Variants in SDK1 observed in about 807,000 individuals in gnomAD.
SDK1 encodes sidekick cell adhesion molecule 1.
In SDK1, 157 loss-of-function variants were observed where a neutral mutation model predicts 245.5. That is an observed-to-expected ratio of 0.64 (90% CI 0.56 to 0.73). The LOEUF is 0.73. Among genes scored for constraint, SDK1 ranks in the 30% least tolerant of loss-of-function variants. The pLI is 0.00. For synonymous variants in SDK1, 1,647 were observed against 1,278.5 expected (o/e 1.29, Z -6.15); for missense variants, 3,583 against 3,002.3 (o/e 1.19, Z -4.52).
At position 3,952,895 on chromosome 7, in the gene SDK1, A is replaced by G. The variant is rs1367328426; in HGVS notation, c.1150+975A>G. On this transcript the variant is annotated intron_variant, in intron 7 of 44. Transcript: ENST00000404826. ...CAGTTTATGAGGAGGTTAAGTTGTG[A>G]GGCAAGTGACTTTATTTCTCTCATT... 3.9e-5 allele frequency among the ~76,000 whole-genome samples: 6 copies of G among 152,282 alleles called. No homozygotes were observed. The East Asian group carries it at 1.2e-3, about 29-fold the overall frequency.
intron 1 of SDK1, among the ~76,000 whole-genome samples, chr7:3,314,067 A>G (rs977381730): frequency 2.0e-5 from 3 of 152,212 alleles, no homozygotes; most frequent in Admixed American, 1.3e-4. Context: ...ACACCAAAAA[A>G]TACAGCGCCA....
intron 4 of SDK1, chr7:3,643,442 A>G (rs927637947): frequency 7.0e-6 from 1 of 143,238 alleles, no homozygotes; most frequent in Non-Finnish European, 1.5e-5. Flanking sequence ...CCACCTGAGC[A>G]TCTGTGGAAT....
At chr7:4,000,351 G>A (rs569090145) in intron 14 of SDK1, among the ~76,000 whole-genome samples, 2 of 152,238 alleles carry the variant, frequency 1.3e-5, no homozygotes, top group African/African-American at 2.4e-5. Context: ...GTGCCTCTCC[G>A]CCTCTGCTTT....
intron 5 of SDK1, among the ~76,000 whole-genome samples, chr7:3,875,747 A>G (rs994891445): frequency 6.6e-6 from 1 of 152,224 alleles, no homozygotes; most frequent in African/African-American, 2.4e-5. Context: ...TGGAACTAGC[A>G]GAGGTGGTTG....
chr7:3,498,202 C>T (rs185387938), intron 1 of SDK1, among the ~76,000 whole-genome samples: 28 of 152,250 alleles, frequency 1.8e-4, no homozygotes, highest in African/African-American at 6.5e-4. Flanking sequence ...CACTCAAAGC[C>T]TGCCTTGAAA....
At chr7:3,606,910 C>G (rs755958501) in intron 1 of SDK1, among the ~76,000 whole-genome samples, 1 of 151,794 alleles carries the variant, frequency 6.6e-6, no homozygotes, top group African/African-American at 2.4e-5. Context: ...ATGTACAACA[C>G]TGAAAAAAGT....
At chr7:3,941,861 TCTG>T (rs894081801) in intron 5 of SDK1, among the ~76,000 whole-genome samples, 26 of 152,102 alleles carry the variant, frequency 1.7e-4, no homozygotes, top group African/African-American at 6.0e-4. Context: ...GCAATCGTGA[TCTG>T]CTGGTGATAA....
Position 4,208,289 on chromosome 7 carries a change from G to A in SDK1, c.5401+4G>A. On this transcript the variant is annotated splice_donor_region_variant and intron_variant, in intron 37 of 44. Coordinates refer to ENST00000404826, the MANE Select transcript of SDK1 (RefSeq NM_152744.4). ...CAGGGGCGCACCCACCAGGCCGGTAGGAGGAAGGCGGGTTTCCTTTGGGCA... is the reference window on the plus strand; with the variant it reads ...CAGGGGCGCACCCACCAGGCCGGTAAGAGGAAGGCGGGTTTCCTTTGGGCA... The A allele has an allele frequency of 1.2e-6, 2 of 1,611,402 alleles. No homozygotes were observed. Among genetic ancestry groups the A allele is most frequent in the Non-Finnish European group, 1.7e-6 (2 of 1,179,220 alleles).
Position 4,265,034 on chromosome 7 carries a change from G to T in SDK1, c.6382-90G>T, listed in dbSNP as rs1009142198. ...GGAGACCGCGACACACGCCCCTGGGGAGGTGCCCCCACCGCCAGGCCTCCT... is the reference window on the plus strand; with the variant it reads ...GGAGACCGCGACACACGCCCCTGGGTAGGTGCCCCCACCGCCAGGCCTCCT... On this transcript the variant is annotated intron_variant, in intron 44 of 44. Coordinates refer to ENST00000404826, the MANE Select transcript of SDK1 (RefSeq NM_152744.4). 8 of 1,527,328 alleles carry T rather than the reference G, an allele frequency of 5.2e-6. No individual in the cohort carries two copies. In the African/African-American group the frequency reaches 1.1e-4, roughly 21 times the overall value. 94.6% of individuals were successfully genotyped at this position (1,527,328 alleles called of 1,614,324 possible). A position where few individuals can be genotyped will look rare whatever the true frequency, so the allele number is the denominator to read the frequency against.
At chr7:3,447,334 C>T (rs1780369720) in intron 1 of SDK1, among the ~76,000 whole-genome samples, 2 of 152,132 alleles carry the variant, frequency 1.3e-5, no homozygotes, top group Admixed American at 6.5e-5. Context: ...CATCTCTTCT[C>T]AAATAATGTG....
In SDK1 at chr7:3,730,571, G is replaced by A. The variant is rs73304206; in HGVS notation, c.713+88466G>A. On this transcript the variant is annotated intron_variant, in intron 4 of 44. Transcript: ENST00000404826. ...GGAAGAGCCCAGCAGAAGATTGAGT[G>A]TCCTGGCAGCAGGACTGAGAGGATG... Among the ~76,000 whole-genome samples the A allele has an allele frequency of 6.3e-3, 962 of 152,294 alleles. 10 individuals are homozygous for A. Among genetic ancestry groups the A allele is most frequent in the African/African-American group, 0.022 (895 of 41,564 alleles).
At chr7:3,432,564 G>C (rs1200942513) in intron 1 of SDK1, among the ~76,000 whole-genome samples, 2 of 152,042 alleles carry the variant, frequency 1.3e-5, no homozygotes, top group African/African-American at 4.8e-5. Flanking sequence ...TTATTTAAAA[G>C]ATTACTACCG....
chr7:3,703,344 C>T (rs535718589), intron 4 of SDK1, among the ~76,000 whole-genome samples: 5 of 152,074 alleles, frequency 3.3e-5, no homozygotes, highest in Non-Finnish European at 7.3e-5. Context: ...GGGAATTACA[C>T]TGAAAAAAAG....
intron 1 of SDK1, among the ~76,000 whole-genome samples, chr7:3,532,826 C>T (rs948153033): frequency 4.6e-5 from 7 of 152,164 alleles, no homozygotes; most frequent in South Asian, 4.2e-4. Context: ...ACCTCCTCTG[C>T]GTTCTTGTCA....
At chr7:3,999,307 C>T (rs560077673) in intron 14 of SDK1, among the ~76,000 whole-genome samples, 19 of 152,342 alleles carry the variant, frequency 1.2e-4, no homozygotes, top group Admixed American at 7.2e-4. Context: ...CTCCTGAGAG[C>T]ATTAGACACC....
intron 18 of SDK1, among the ~76,000 whole-genome samples, chr7:4,049,857 G>T (rs901253017): frequency 2.8e-4 from 42 of 152,300 alleles, no homozygotes; most frequent in African/African-American, 9.6e-4. Flanking sequence ...CATGGAGAAA[G>T]GATAGTTTTC....
At chr7:3,989,030 C>G (rs1784086563) in intron 14 of SDK1, among the ~76,000 whole-genome samples, 1 of 152,216 alleles carries the variant, frequency 6.6e-6, no homozygotes, top group South Asian at 2.1e-4. Context: ...GCTGGGATTA[C>G]AGGCATGAGC....
intron 4 of SDK1, among the ~76,000 whole-genome samples, chr7:3,685,093 A>C (rs1470950062): frequency 5.9e-5 from 9 of 152,234 alleles, no homozygotes; most frequent in African/African-American, 2.2e-4. Context: ...GTTTGACAGC[A>C]TCTCCGATTT....
At chr7:3,936,406 C>A (rs1327325898) in intron 5 of SDK1, among the ~76,000 whole-genome samples, 1 of 151,860 alleles carries the variant, frequency 6.6e-6, no homozygotes, top group African/African-American at 2.4e-5. Context: ...ACGGTGAAAC[C>A]CCATCTGTAC....
Sources: allele counts gnomAD v4.1 joint callset (sites outside exome capture counted in the v4.1 genomes callset), GRCh38; gene constraint gnomAD v4.1.1; transcripts MANE v1.5; gene names NCBI Gene and HGNC (gene_info 2026-07-23, HGNC 2026-07-21).